The following SPOCK1 variants were observed in gnomAD, a reference collection of about 807,000 sequenced individuals.
SPOCK1 encodes SPARC (osteonectin), cwcv and kazal like domains proteoglycan 1, also known as testican-1.
SPOCK1 carries 23 observed loss-of-function variants against 55.3 expected under a neutral mutation model. That is an observed-to-expected ratio of 0.42 (90% CI 0.30 to 0.59). The LOEUF (loss-of-function observed/expected upper bound fraction) is 0.59. SPOCK1 is among the 20% of genes least tolerant of loss of function. SPOCK1 has a pLI of 0.22. For missense variants in SPOCK1, 499 were observed against 552.5 expected (o/e 0.90, Z 0.97); for synonymous variants, 226 against 221.0 (o/e 1.02, Z -0.20).
At chr5:137,376,158 A>G (rs1751309880) in intron 2 of SPOCK1, among the ~76,000 whole-genome samples, 1 of 152,200 alleles carries the variant, frequency 6.6e-6, no homozygotes, top group Non-Finnish European at 1.5e-5. Context: ...AATTATTTCC[A>G]GGTCTGGGGA....
At position 136,978,548 on chromosome 5, in the gene SPOCK1, A is replaced by G. The variant is rs1750660932; in HGVS notation, c.*106T>C. ...AAACCTTAGGTCGGGTATAGAGAGC[A>G]ACAATGGAGAAGAGACCTTGGTGCC... On this transcript the variant is annotated 3_prime_UTR_variant, in exon 11 of 11. Coordinates refer to ENST00000394945, the MANE Select transcript of SPOCK1 (RefSeq NM_004598.4). 22 of 1,281,096 alleles carry G rather than the reference A, an allele frequency of 1.7e-5. No individual in the cohort carries two copies. The highest frequency in any genetic ancestry group is 2.4e-5 in the Non-Finnish European group (22 of 930,424). 79.4% of individuals were successfully genotyped at this position (1,281,096 alleles called of 1,614,324 possible).
intron 2 of SPOCK1, among the ~76,000 whole-genome samples, chr5:137,274,360 T>C (rs1446491988): frequency 1.3e-5 from 2 of 152,126 alleles, no homozygotes; most frequent in African/African-American, 4.8e-5. Flanking sequence ...CAGATGTGGG[T>C]TCAAATTCTG....
At chr5:137,488,434 C>A (rs989461879) in intron 2 of SPOCK1, among the ~76,000 whole-genome samples, 1 of 152,130 alleles carries the variant, frequency 6.6e-6, no homozygotes, top group Non-Finnish European at 1.5e-5. Context: ...TGGGTGCCAC[C>A]TTTGACCTGC....
At chr5:137,164,417 T>C (rs930525091) in intron 3 of SPOCK1, among the ~76,000 whole-genome samples, 17 of 152,136 alleles carry the variant, frequency 1.1e-4, no homozygotes, top group Non-Finnish European at 1.6e-4. Context: ...TATAGAGCCC[T>C]TGGATCCTGA....
intron 3 of SPOCK1, among the ~76,000 whole-genome samples, chr5:137,200,623 T>C (rs1755407153): frequency 6.6e-6 from 1 of 152,220 alleles, no homozygotes; most frequent in East Asian, 1.9e-4. Flanking sequence ...ATTTACAAAT[T>C]TGAATCCCTC....
At position 137,219,560 on chromosome 5, in the gene SPOCK1, A is replaced by G. The variant is rs1755805906; in HGVS notation, c.232+47450T>C. 1.3e-5 allele frequency among the ~76,000 whole-genome samples: 2 copies of G among 152,178 alleles called. 1 individual carries two copies. Among genetic ancestry groups the G allele is most frequent in the South Asian group, 4.1e-4 (2 of 4,830 alleles). On this transcript the variant is annotated intron_variant, in intron 3 of 10. Transcript: ENST00000394945. ...AAGAATCATGCCTTTTTTTCTCCAA[A>G]TGAATAGAAGCTCAAAATACCACCA...
At chr5:137,257,013 C>G (rs190735526) in intron 3 of SPOCK1, among the ~76,000 whole-genome samples, 32 of 152,322 alleles carry the variant, frequency 2.1e-4, no homozygotes, top group African/African-American at 7.5e-4. Context: ...GCCCTCATAA[C>G]CATCGTCAGC....
intron 2 of SPOCK1, among the ~76,000 whole-genome samples, chr5:137,496,491 A>C (rs1245808512): frequency 6.6e-6 from 1 of 152,220 alleles, no homozygotes; most frequent in Non-Finnish European, 1.5e-5. Context: ...TTTCAACTCA[A>C]TCCAGCTGCC....
intron 2 of SPOCK1, among the ~76,000 whole-genome samples, chr5:137,353,548 A>G (rs950974083): frequency 6.6e-5 from 10 of 152,152 alleles, no homozygotes; most frequent in Non-Finnish European, 1.3e-4. Context: ...CATCAGAAAC[A>G]AATGTCTCTG....
intron 2 of SPOCK1, among the ~76,000 whole-genome samples, chr5:137,358,542 G>A (rs1370073937): frequency 1.3e-5 from 2 of 150,598 alleles, no homozygotes; most frequent in African/African-American, 4.9e-5. Context: ...GGAAGGAAGA[G>A]GGGAAGGTGG....
At chr5:137,065,446 A>G (rs750666325) in intron 6 of SPOCK1, among the ~76,000 whole-genome samples, 30 of 152,154 alleles carry the variant, frequency 2.0e-4, no homozygotes, top group Non-Finnish European at 3.5e-4. Flanking sequence ...AACCTCATGG[A>G]AAGAATCGTA....
At chr5:137,445,067 C>T (rs184721064) in intron 2 of SPOCK1, among the ~76,000 whole-genome samples, 20 of 152,276 alleles carry the variant, frequency 1.3e-4, no homozygotes, top group East Asian at 9.7e-4. Flanking sequence ...TGGTGGAGAA[C>T]GAGGCAGAGC....
chr5:137,459,545 G>A (rs183904546), intron 2 of SPOCK1, among the ~76,000 whole-genome samples: 4 of 151,146 alleles, frequency 2.6e-5, no homozygotes, highest in Admixed American at 2.0e-4. Context: ...AGAGCTGACC[G>A]GAACACCAAG....
chr5:136,996,162 G>A (rs1751036485), intron 6 of SPOCK1, among the ~76,000 whole-genome samples: 1 of 152,216 alleles, frequency 6.6e-6, no homozygotes, highest in Non-Finnish European at 1.5e-5. Flanking sequence ...ACAGGGGACT[G>A]AAGCTTTCAG....
intron 2 of SPOCK1, among the ~76,000 whole-genome samples, chr5:137,407,546 G>A (rs1030932790): frequency 6.6e-6 from 1 of 152,058 alleles, no homozygotes; most frequent in African/African-American, 2.4e-5. Flanking sequence ...AATCCTGCCT[G>A]AGCCCATATT....
At chr5:137,444,175 T>A (rs1224046065) in intron 2 of SPOCK1, among the ~76,000 whole-genome samples, 5 of 152,072 alleles carry the variant, frequency 3.3e-5, no homozygotes, top group Non-Finnish European at 7.4e-5. Context: ...TCTCCCTGCA[T>A]CCCCTGTGTC....
chr5:137,425,869 C>A (rs2149827235), intron 2 of SPOCK1, among the ~76,000 whole-genome samples: 1 of 151,866 alleles, frequency 6.6e-6, no homozygotes, highest in African/African-American at 2.4e-5. Flanking sequence ...AAGACATTTC[C>A]TACTGCAGTA....
chr5:137,359,047 T>C (rs9327787), intron 2 of SPOCK1, among the ~76,000 whole-genome samples: 5,069 of 152,008 alleles, frequency 0.033, 155 homozygotes, highest in African/African-American at 0.087. Flanking sequence ...TCAAAGGGAG[T>C]CTAAATAAAT....
rs563444332 is a variant in SPOCK1 at position 137,351,557 on chromosome 5, C to T, written c.187-84502G>A. On this transcript the variant is annotated intron_variant, in intron 2 of 10. Transcript: ENST00000394945. ...TCCATTCCCAGAGTGGGAGAAAACG[C>T]CTAGATTTTACTCTCCAGGCCCTCC... Among the ~76,000 whole-genome samples, 13 of 152,274 alleles carry T rather than the reference C, an allele frequency of 8.5e-5. No homozygotes were observed. In the East Asian group the frequency reaches 1.7e-3, roughly 20 times the overall value.
Sources: allele counts gnomAD v4.1 joint callset (sites outside exome capture counted in the v4.1 genomes callset), GRCh38; gene constraint gnomAD v4.1.1; transcripts MANE v1.5; gene names NCBI Gene and HGNC (gene_info 2026-07-23, HGNC 2026-07-21).